Variants in HEATR9 observed in about 807,000 individuals in gnomAD.
The protein encoded by HEATR9 is HEAT repeat containing 9.
A neutral mutation model predicts 68.2 loss-of-function variants in HEATR9; 54 were observed. The observed-to-expected ratio is 0.79, with a 90% CI of 0.64 to 0.99. The LOEUF is 0.99. Among genes scored for constraint, HEATR9 ranks in the 50% least tolerant of loss-of-function variants. The probability of loss-of-function intolerance (pLI) is 0.00; values close to 1 mark genes in which losing one functional copy is unlikely to be tolerated. For missense variants in HEATR9, 662 were observed against 679.7 expected, an observed-to-expected ratio of 0.97 and a Z score of 0.29; for synonymous variants, 241 against 253.5, an observed-to-expected ratio of 0.95 and a Z score of 0.47.
At position 35,855,031 on chromosome 17, in the gene HEATR9, A is replaced by C; in HGVS notation, c.*32T>G. The C allele has an allele frequency of 6.5e-7, 1 of 1,548,058 alleles. No homozygotes were observed. The highest frequency in any genetic ancestry group is 8.8e-7 in the Non-Finnish European group (1 of 1,130,188). On this transcript the variant is annotated 3_prime_UTR_variant, in exon 15 of 15. Coordinates refer to ENST00000604834, the MANE Select transcript of HEATR9 (RefSeq NM_152781.4). ...GGGAGCCTGAGAAGCATCTTCAGGG[A>C]GGGAGTCGGGGAGTAGGCCCAAAGA...
chr17:35,855,954 AT>A (rs2087756212), intron 13 of HEATR9, among the ~76,000 whole-genome samples: 1 of 152,188 alleles, frequency 6.6e-6, no homozygotes, highest in Admixed American at 6.5e-5. Context: ...ACTGAAGACA[AT>A]TTCTGCAGCA....
intron 7 of HEATR9, among the ~76,000 whole-genome samples, 168 bp from the exon 8 acceptor site, chr17:35,863,293 A>G (rs541691809): frequency 1.3e-5 from 2 of 152,216 alleles, no homozygotes; most frequent in African/African-American, 2.4e-5. Context: ...TGTGAACACT[A>G]TTCCAAGAGC....
In HEATR9 at chr17:35,862,350, G is replaced by A. The variant is rs185296191; in HGVS notation, c.756+645C>T. 4.3e-3 allele frequency among the ~76,000 whole-genome samples: 662 copies of A among 152,278 alleles called. 1 individual carries two copies. Among genetic ancestry groups the A allele is most frequent in the Middle Eastern group, 0.017 (5 of 294 alleles). On this transcript the variant is annotated intron_variant, in intron 8 of 14. Transcript: ENST00000604834. ...CTATTTGCTGAATAAATGGATGAAT[G>A]ATGGATTTTCTTTTACATAGAGCAA...
intron 1 of HEATR9, 84 bp downstream of exon 1, chr17:35,868,571 A>C (rs982288545): frequency 6.9e-6 from 11 of 1,591,718 alleles, no homozygotes; most frequent in Non-Finnish European, 9.4e-6. Context: ...ACTCACCTAG[A>C]CCCTTGCCTG....
In HEATR9 at chr17:35,868,690, A is replaced by G. The variant is rs775686128; in HGVS notation, c.53T>C (p.Leu18Pro). The G allele has an allele frequency of 2.5e-6, 4 of 1,614,222 alleles. No homozygotes were observed. The highest frequency in any genetic ancestry group is 3.3e-5 in the Admixed American group (2 of 60,028). Reference sequence around the variant, plus strand: ...GTCTGGATATTCCAGCCATGGGTACAGGAACATTGACCTGGAGACATCAGA... The same window carrying G: ...GTCTGGATATTCCAGCCATGGGTACGGGAACATTGACCTGGAGACATCAGA... ...DISDVSRSMF[L>P]YPWLEYPDKT... Residue 18 changes from leucine to proline, a missense_variant, in exon 1 of 15, where the codon CTG becomes CCG. Transcript: ENST00000604834.
Position 35,868,717 on chromosome 17 carries a change from A to G in HEATR9, c.26T>C (p.Ile9Thr), listed in dbSNP as rs772814204. The change falls in exon 1 of 15, where the codon ATC becomes ACC. Residue 9 changes from isoleucine (I) to threonine (T), a missense_variant. By Grantham distance (89) the Ile-to-Thr change is moderately conservative. Transcript: ENST00000604834. The part of the protein sequence containing the change: MAYEKSTD[I>T]SDVSRSMFLY... The stretch of plus-strand genomic sequence containing the variant: ...GAACATTGACCTGGAGACATCAGAG[A>G]TATCAGTTGATTTTTCATAGGCCAT... 8 of 1,614,100 alleles carry G rather than the reference A, an allele frequency of 5.0e-6. No homozygotes were observed. Among genetic ancestry groups the G allele is most frequent in the Non-Finnish European group, 6.8e-6 (8 of 1,180,016 alleles).
chr17:35,865,000 G>A (rs2088142311), intron 3 of HEATR9, 110 bp from the exon 4 acceptor site: 3 of 1,461,040 alleles, frequency 2.1e-6, no homozygotes, highest in Non-Finnish European at 2.9e-6. Flanking sequence ...TGGGACCAGA[G>A]GAAGACAGAT....
In HEATR9 at chr17:35,858,508, G is replaced by T; in HGVS notation, c.957C>A (p.Val319=). 1 of 1,611,906 alleles carries T rather than the reference G, an allele frequency of 6.2e-7. No homozygotes were observed. The change falls in exon 10 of 15, where the codon GTC becomes GTA. Residue 319 remains valine (V), a synonymous_variant. Coordinates refer to ENST00000604834, the MANE Select transcript of HEATR9 (RefSeq NM_152781.4). The part of the protein sequence containing the change: ...TQRMKALRML[V]KVMHVHSAPV... The stretch of plus-strand genomic sequence containing the variant: ...GGGCTGAGTGCACGTGCATCACCTT[G>T]ACCAGCATCCTAAGTGCCTATGAGG...
chr17:35,862,504 T>C (rs1464943975), intron 8 of HEATR9, among the ~76,000 whole-genome samples: 1 of 152,220 alleles, frequency 6.6e-6, no homozygotes, highest in Non-Finnish European at 1.5e-5. Flanking sequence ...ATAATAATGA[T>C]GGTTACCATT....
At chr17:35,862,457 A>G (rs899044995) in intron 8 of HEATR9, among the ~76,000 whole-genome samples, 10 of 152,240 alleles carry the variant, frequency 6.6e-5, no homozygotes, top group African/African-American at 2.4e-4. Flanking sequence ...TCCCTTCTTG[A>G]CAGGTTTTAC....
intron 8 of HEATR9, among the ~76,000 whole-genome samples, chr17:35,862,721 G>A (rs778283304): frequency 2.1e-4 from 32 of 152,134 alleles, no homozygotes; most frequent in Non-Finnish European, 3.7e-4. Context: ...TCGAAAAATC[G>A]TAAGTCAAAC....
intron 8 of HEATR9, among the ~76,000 whole-genome samples, chr17:35,859,982 C>A (rs767275843): frequency 6.6e-6 from 1 of 152,208 alleles, no homozygotes; most frequent in Non-Finnish European, 1.5e-5. Context: ...AACACTTGCA[C>A]CCATACACCC....
chr17:35,856,112 A>G (rs2087761604), intron 13 of HEATR9, 61 bp downstream of exon 13: 2 of 1,540,634 alleles, frequency 1.3e-6, no homozygotes, highest in Non-Finnish European at 1.8e-6. Flanking sequence ...ACTCTGCTCA[A>G]TCGCCTACTC....
Position 35,855,813 on chromosome 17 carries a change from C to T in HEATR9, c.1279-63G>A, listed in dbSNP as rs559198836. The stretch of plus-strand genomic sequence containing the variant: ...CCCAGGAAGACACCTTATACTCTTT[C>T]CCATTCTAGCCCCTTTGTGAGACTC... On this transcript the variant is annotated intron_variant, in intron 13 of 14. Transcript: ENST00000604834. The T allele has an allele frequency of 2.0e-5, 27 of 1,319,116 alleles. 1 individual carries two copies. Among genetic ancestry groups the T allele is most frequent in the Non-Finnish European group, 2.7e-5 (25 of 914,322 alleles). The allele number at this position is 1,319,116 out of a possible 1,614,324, so 81.7% of individuals were successfully genotyped here. A position where few individuals can be genotyped will look rare whatever the true frequency, so the allele number is the denominator to read the frequency against.
intron 1 of HEATR9, 148 bp downstream of exon 1, chr17:35,868,507 A>G: frequency 7.1e-7 from 1 of 1,418,114 alleles, no homozygotes; most frequent in Non-Finnish European, 9.4e-7. Flanking sequence ...AGGACTGTGC[A>G]GAGCCATCAA....
chr17:35,861,435 G>T, intron 8 of HEATR9: 2 of 1,605,966 alleles, frequency 1.2e-6, no homozygotes, highest in Non-Finnish European at 1.7e-6. Context: ...TGCGAGGATT[G>T]CGCTTCTTTT....
At chr17:35,861,772 A>C (rs1177666257) in intron 8 of HEATR9, among the ~76,000 whole-genome samples, 2 of 151,576 alleles carry the variant, frequency 1.3e-5, no homozygotes, top group South Asian at 2.1e-4. Flanking sequence ...CCCTACTCCT[A>C]CTTGTCACAC....
intron 9 of HEATR9, 98 bp from the exon 10 acceptor site, chr17:35,858,623 C>T (rs902457505): frequency 8.8e-7 from 1 of 1,138,042 alleles, no homozygotes; most frequent in Non-Finnish European, 1.3e-6. Flanking sequence ...TGAGGAACAG[C>T]TAAGGTCCTT....
At chr17:35,866,084 T>C (rs4796119) in intron 2 of HEATR9, among the ~76,000 whole-genome samples, 14,384 of 152,254 alleles carry the variant, frequency 0.094, 871 homozygotes, top group East Asian at 0.22. Flanking sequence ...TTTCTTTCAC[T>C]CTTTGCAACA....
Sources: gnomAD v4.1 joint callset for allele counts (sites outside exome capture counted in the v4.1 genomes callset) on GRCh38, gnomAD v4.1.1 for gene constraint, MANE v1.5 for transcripts, NCBI Gene and HGNC (gene_info 2026-07-23, HGNC 2026-07-21) for gene names.